ACCSL: variants seen among roughly 807,000 people sequenced by gnomAD.
The protein encoded by ACCSL is 1-aminocyclopropane-1-carboxylate synthase homolog (inactive) like.
A neutral mutation model predicts 61.7 loss-of-function variants in ACCSL; 55 were observed. That is an observed-to-expected ratio of 0.89 (90% CI 0.72 to 1.12). The LOEUF (loss-of-function observed/expected upper bound fraction) is 1.12. Ranked by LOEUF, ACCSL falls within the 50% of genes most tolerant of loss-of-function variation. The pLI is 0.00. For missense variants in ACCSL, 632 were observed against 698.0 expected (o/e 0.91, Z 1.07); for synonymous variants, 258 against 264.3 (o/e 0.98, Z 0.23).
At chr11:43,943,012 C>G in the ACCSL span, 1 of 1,507,166 alleles carries the variant, frequency 6.6e-7, no homozygotes, top group South Asian at 1.3e-5. This position sits in a 1 kb window ranked among gnomAD's most constrained non-coding sequence, Gnocchi z 4.8. Context: ...TGCGGCCCGC[C>G]AAGCTGCCCA....
chr11:43,961,701 T>TTC, the ACCSL span, among the ~76,000 whole-genome samples: 12 of 151,094 alleles, frequency 7.9e-5, no homozygotes, highest in East Asian at 2.0e-4. Context: ...TATTGTTTTG[T>TTC]TCTCTCTCTC....
the ACCSL span, chr11:43,943,974 C>G: frequency 1.3e-6 from 1 of 775,398 alleles, no homozygotes; most frequent in Non-Finnish European, 1.8e-6. The surrounding 1 kb of genome is among the most constrained non-coding windows in gnomAD (Gnocchi z 4.8). Flanking sequence ...GGATGTCGGA[C>G]CAGGGAGCCG....
At chr11:44,039,287 G>T in the ACCSL span, among the ~76,000 whole-genome samples, 1 of 152,200 alleles carries the variant, frequency 6.6e-6, no homozygotes, top group African/African-American at 2.4e-5. Context: ...CACCTGTCAT[G>T]CTTGTTTTAA....
At chr11:44,019,263 C>T in the ACCSL span, among the ~76,000 whole-genome samples, 15 of 152,316 alleles carry the variant, frequency 9.8e-5, no homozygotes, top group Non-Finnish European at 2.1e-4. Context: ...TTTGCCTGCA[C>T]ATATGTTTCA....
the ACCSL span, chr11:43,943,855 A>G: frequency 7.8e-7 from 1 of 1,276,230 alleles, no homozygotes; most frequent in Non-Finnish European, 1.0e-6. The surrounding 1 kb of genome is among the most constrained non-coding windows in gnomAD (Gnocchi z 4.8). Flanking sequence ...GAAAGGAGAC[A>G]AATAAAGTCA....
At chr11:43,998,359 AGT>A in the ACCSL span, among the ~76,000 whole-genome samples, 1 of 152,078 alleles carries the variant, frequency 6.6e-6, no homozygotes, top group African/African-American at 2.4e-5. Context: ...CTTTCTTTTC[AGT>A]GTGTGTTGGC....
the ACCSL span, among the ~76,000 whole-genome samples, chr11:44,013,902 G>A: frequency 1.2e-4 from 18 of 152,070 alleles, no homozygotes; most frequent in African/African-American, 2.9e-4. Flanking sequence ...CTGCAGAGGC[G>A]CCCTCCTGCC....
chr11:43,936,008 C>A, the ACCSL span, among the ~76,000 whole-genome samples: 79 of 152,322 alleles, frequency 5.2e-4, no homozygotes, highest in African/African-American at 1.9e-3. Context: ...GAAGCAGGAC[C>A]CCCGATGCTG....
chr11:44,038,175 G>A, the ACCSL span, among the ~76,000 whole-genome samples: 4 of 152,228 alleles, frequency 2.6e-5, no homozygotes, highest in South Asian at 2.1e-4. Context: ...CATGAGGAGC[G>A]GGTTGTAGAA....
At chr11:43,999,824 G>T in the ACCSL span, among the ~76,000 whole-genome samples, 1 of 150,580 alleles carries the variant, frequency 6.6e-6, no homozygotes, top group South Asian at 2.1e-4. Flanking sequence ...GTATCTGTGG[G>T]TTCCACATCC....
upstream of ACCSL, among the ~76,000 whole-genome samples, chr11:44,045,459 C>CA (rs1426286418): frequency 2.6e-5 from 4 of 152,082 alleles, no homozygotes; most frequent in Non-Finnish European, 5.9e-5. Context: ...CAACCCCCCC[C>CA]ACAAAAAAAC....
the ACCSL span, among the ~76,000 whole-genome samples, chr11:44,032,465 G>T: frequency 6.6e-6 from 1 of 152,230 alleles, no homozygotes; most frequent in African/African-American, 2.4e-5. Flanking sequence ...AATGGTCCAG[G>T]CAGCTGCAGG....
At chr11:44,051,535 G>A (rs1339316710) in intron 4 of ACCSL, 118 bp from the exon 5 acceptor site, 2 of 1,531,564 alleles carry the variant, frequency 1.3e-6, no homozygotes, top group Non-Finnish European at 1.8e-6. Context: ...GAAGGCCAAT[G>A]TGTCCCAACT....
At chr11:43,933,207 G>A in the ACCSL span, 1 of 455,774 alleles carries the variant, frequency 2.2e-6, no homozygotes, top group African/African-American at 2.0e-5. Flanking sequence ...GGTAGGAGCA[G>A]CGAAACTTCT....
chr11:44,032,583 G>A, the ACCSL span, among the ~76,000 whole-genome samples: 1 of 152,198 alleles, frequency 6.6e-6, no homozygotes, highest in Non-Finnish European at 1.5e-5. Flanking sequence ...TTGCTCTCTG[G>A]AAGGCTTGAG....
rs542855262 is a variant in ACCSL, at chr11:44,054,601, C to A, written c.1050-601C>A. Among the ~76,000 whole-genome samples the A allele has an allele frequency of 2.3e-3, 354 of 152,164 alleles. 2 individuals are homozygous for A. Among genetic ancestry groups the A allele is most frequent in the African/African-American group, 8.1e-3 (338 of 41,516 alleles). On this transcript the variant is annotated intron_variant, in intron 8 of 13. Coordinates refer to ENST00000378832, the MANE Select transcript of ACCSL (RefSeq NM_001031854.2). ...CCTCCTGAGTAGCTACAACTGCAGG[C>A]ATGCGCCAACATACCCAGCTAATTT...
the ACCSL span, among the ~76,000 whole-genome samples, chr11:43,956,045 A>C: frequency 1.3e-5 from 2 of 151,820 alleles, no homozygotes; most frequent in African/African-American, 4.8e-5. Flanking sequence ...GAATCACAGA[A>C]GATTCAGAGA....
chr11:44,046,420 C>T (rs188504168), upstream of ACCSL, among the ~76,000 whole-genome samples: 1 of 152,326 alleles, frequency 6.6e-6, no homozygotes, highest in African/African-American at 2.4e-5. Flanking sequence ...GGTTATGCCT[C>T]TCCTACTCAT....
chr11:43,993,314 C>T, the ACCSL span, among the ~76,000 whole-genome samples: 1 of 152,094 alleles, frequency 6.6e-6, no homozygotes, highest in Non-Finnish European at 1.5e-5. Context: ...CTAGGTCAAG[C>T]CCTCTTCTCA....
Sources: allele counts gnomAD v4.1 joint callset (sites outside exome capture counted in the v4.1 genomes callset), GRCh38; gene constraint gnomAD v4.1.1; non-coding constraint Gnocchi (gnomAD v3.1); transcripts MANE v1.5; gene names NCBI Gene and HGNC (gene_info 2026-07-23, HGNC 2026-07-21).